Variants in ADGRB3 observed in about 807,000 individuals in gnomAD.
ADGRB3 encodes brain-specific angiogenesis inhibitor 3.
In ADGRB3, 37 loss-of-function variants were observed where a neutral mutation model predicts 193.4. The observed-to-expected ratio is 0.19, with a 90% CI of 0.15 to 0.25. The LOEUF is 0.25. Among genes scored for constraint, ADGRB3 ranks in the 10% least tolerant of loss-of-function variants. ADGRB3 has a pLI of 1.00. For synonymous variants in ADGRB3, 690 were observed against 644.2 expected, an observed-to-expected ratio of 1.07 and a Z score of -1.08; for missense variants, 1,637 against 1,852.9, an observed-to-expected ratio of 0.88 and a Z score of 2.14.
intron 3 of ADGRB3, among the ~76,000 whole-genome samples, chr6:68,764,172 A>G (rs1766465785): frequency 6.6e-6 from 1 of 152,184 alleles, no homozygotes; most frequent in African/African-American, 2.4e-5. Flanking sequence ...CTCGACCATC[A>G]GTATTTAATG....
intron 3 of ADGRB3, among the ~76,000 whole-genome samples, chr6:68,929,137 C>T (rs1260355863): frequency 2.6e-5 from 4 of 152,014 alleles, no homozygotes; most frequent in Non-Finnish European, 4.4e-5. Flanking sequence ...AAGGTCAAAC[C>T]CACTGACATT....
chr6:68,989,569 T>G (rs1213572680), intron 10 of ADGRB3, among the ~76,000 whole-genome samples: 2 of 152,162 alleles, frequency 1.3e-5, no homozygotes, highest in Non-Finnish European at 2.9e-5. Flanking sequence ...TGTCCACTTT[T>G]AACCTCTATT....
intron 3 of ADGRB3, among the ~76,000 whole-genome samples, chr6:68,863,625 C>T (rs1765216148): frequency 6.6e-6 from 1 of 152,080 alleles, no homozygotes; most frequent in African/African-American, 2.4e-5. Flanking sequence ...ACATAAAAGG[C>T]ATTTATTGAT....
intron 3 of ADGRB3, among the ~76,000 whole-genome samples, chr6:68,853,813 T>C (rs1164291887): frequency 6.6e-6 from 1 of 152,170 alleles, no homozygotes; most frequent in East Asian, 1.9e-4. Flanking sequence ...TGGTTTACAA[T>C]TTATTAGAAA....
chr6:68,741,500 C>T (rs1765981353), intron 3 of ADGRB3, among the ~76,000 whole-genome samples: 1 of 152,148 alleles, frequency 6.6e-6, no homozygotes. Flanking sequence ...CATCCTCCAA[C>T]CTGAGCCTCC....
At position 69,090,703 on chromosome 6, in the gene ADGRB3, C is replaced by G. The variant is rs192446103; in HGVS notation, c.2480+14665C>G. On this transcript the variant is annotated intron_variant, in intron 17 of 31. Transcript: ENST00000370598. ...GATCATGGTTTTCATTAGCAAAGGG[C>G]TATACCTGAGCTAATTAGCTATGAA... 3.3e-3 allele frequency among the ~76,000 whole-genome samples: 496 copies of G among 152,224 alleles called. 2 individuals are homozygous for G. The highest frequency in any genetic ancestry group is 0.012 in the African/African-American group (480 of 41,528).
At chr6:69,029,686 T>C (rs1036430424) in intron 13 of ADGRB3, among the ~76,000 whole-genome samples, 4 of 152,134 alleles carry the variant, frequency 2.6e-5, no homozygotes, top group Admixed American at 1.3e-4. Context: ...ATAACAGAGA[T>C]AGTGATGGTG....
intron 10 of ADGRB3, among the ~76,000 whole-genome samples, chr6:68,986,214 A>T (rs2150271302): frequency 6.6e-6 from 1 of 152,248 alleles, no homozygotes; most frequent in African/African-American, 2.4e-5. Flanking sequence ...GGCTCAGTTT[A>T]TTCCCAACAA....
chr6:68,704,469 A>ATAAC (rs758952910), intron 3 of ADGRB3, among the ~76,000 whole-genome samples: 121 of 152,316 alleles, frequency 7.9e-4, no homozygotes, highest in Middle Eastern at 3.4e-3. Context: ...ATTTCTATCA[A>ATAAC]TAACTTTGAG....
intron 3 of ADGRB3, among the ~76,000 whole-genome samples, chr6:68,754,119 T>G (rs1766500821): frequency 6.6e-6 from 1 of 152,194 alleles, no homozygotes; most frequent in South Asian, 2.1e-4. Flanking sequence ...AGATTAACTT[T>G]TCTCCAAAGT....
At chr6:69,330,681 A>G (rs1389462204) in intron 23 of ADGRB3, 109 bp downstream of exon 23, 1 of 766,752 alleles carries the variant, frequency 1.3e-6, no homozygotes, top group African/African-American at 1.8e-5. Flanking sequence ...TAGAAATTTT[A>G]AAGTTCAATG....
intron 3 of ADGRB3, among the ~76,000 whole-genome samples, chr6:68,670,368 C>T (rs1165259483): frequency 2.6e-5 from 4 of 151,952 alleles, no homozygotes; most frequent in Non-Finnish European, 5.9e-5. Context: ...AGATTTTCCC[C>T]AGTGTTTTCT....
chr6:69,290,491 C>T (rs1235097592), intron 20 of ADGRB3, among the ~76,000 whole-genome samples: 1 of 152,048 alleles, frequency 6.6e-6, no homozygotes, highest in Non-Finnish European at 1.5e-5. Context: ...GAGAAACATA[C>T]AAGCACAGGT....
intron 3 of ADGRB3, among the ~76,000 whole-genome samples, chr6:68,753,601 G>A (rs1465892900): frequency 1.3e-5 from 2 of 152,096 alleles, no homozygotes; most frequent in African/African-American, 4.8e-5. Flanking sequence ...AATATTCTAG[G>A]TGTGTTCTTT....
intron 3 of ADGRB3, among the ~76,000 whole-genome samples, chr6:68,815,586 G>T (rs1336153709): frequency 6.9e-6 from 1 of 145,964 alleles, no homozygotes; most frequent in Non-Finnish European, 1.5e-5. Flanking sequence ...AGAGTAATTT[G>T]ATTTGACCAT....
At chr6:68,679,532 T>A (rs1764842134) in intron 3 of ADGRB3, among the ~76,000 whole-genome samples, 2 of 151,936 alleles carry the variant, frequency 1.3e-5, no homozygotes, top group African/African-American at 4.8e-5. Flanking sequence ...CCTGGCTAGG[T>A]AGCTGCTTTT....
chr6:69,220,250 G>T (rs1176298247), intron 17 of ADGRB3, among the ~76,000 whole-genome samples: 4 of 152,030 alleles, frequency 2.6e-5, no homozygotes, highest in African/African-American at 9.7e-5. Flanking sequence ...TACCTTTGGT[G>T]TATTAGGCAA....
In ADGRB3 at chr6:68,643,886, C is replaced by T. The variant is rs537449182; in HGVS notation, c.757+4454C>T. 2.1e-3 allele frequency among the ~76,000 whole-genome samples: 315 copies of T among 150,280 alleles called. 1 individual carries two copies. The highest frequency in any genetic ancestry group is 7.4e-3 in the African/African-American group (302 of 40,784). Reference sequence around the variant, plus strand: ...GGCAGAGGTTACAGTGAGCCGAGATCGCACCACTGCACTCCAGCCTGGGTG... The same window carrying T: ...GGCAGAGGTTACAGTGAGCCGAGATTGCACCACTGCACTCCAGCCTGGGTG... On this transcript the variant is annotated intron_variant, in intron 3 of 31. Transcript: ENST00000370598.
At chr6:68,885,654 GA>G (rs1765886906) in intron 3 of ADGRB3, among the ~76,000 whole-genome samples, 1 of 152,174 alleles carries the variant, frequency 6.6e-6, no homozygotes, top group African/African-American at 2.4e-5. Context: ...GTGGCTACCA[GA>G]AGCCAGGAGT....
Sources: allele counts gnomAD v4.1 joint callset (sites outside exome capture counted in the v4.1 genomes callset), GRCh38; gene constraint gnomAD v4.1.1; transcripts MANE v1.5; gene names NCBI Gene and HGNC (gene_info 2026-07-23, HGNC 2026-07-21).